The following TYRP1 variants were observed in gnomAD, a reference collection of about 807,000 sequenced individuals.
TYRP1 encodes 5,6-dihydroxyindole-2-carboxylic acid oxidase.
Under a neutral mutation model 42.8 loss-of-function variants are expected in TYRP1, and 49 were observed. That is an observed-to-expected ratio of 1.14 (90% confidence interval 0.91 to 1.45). The LOEUF (loss-of-function observed/expected upper bound fraction) is 1.45. TYRP1 is among the 40% of genes most tolerant of loss of function. TYRP1 has a pLI of 0.00. For missense variants in TYRP1, 848 were observed against 662.0 expected (o/e 1.28, Z -3.08); for synonymous variants, 279 against 235.4 (o/e 1.19, Z -1.69).
At position 12,709,267 on chromosome 9, in the gene TYRP1, C is replaced by G. The variant is rs944569843; in HGVS notation, c.*85C>G. 1 of 1,307,948 alleles carries G rather than the reference C, an allele frequency of 7.6e-7. No individual in the cohort carries two copies. The highest frequency in any genetic ancestry group is 1.5e-5 in the African/African-American group (1 of 68,462). 81.0% of individuals were successfully genotyped at this position (1,307,948 alleles called of 1,614,324 possible). A position where few individuals can be genotyped will look rare whatever the true frequency, so the allele number is the denominator to read the frequency against. On this transcript the variant is annotated 3_prime_UTR_variant, in exon 8 of 8. Transcript: ENST00000388918. ...TTGAGTTATTAACTGTATTTTCTTT[C>G]ACTTTATTACCTTCTTTCTAATACA...
chr9:12,703,955 A>C (rs1018515730), intron 5 of TYRP1, among the ~76,000 whole-genome samples: 1 of 151,388 alleles, frequency 6.6e-6, no homozygotes, highest in Non-Finnish European at 1.5e-5. Flanking sequence ...GATATTTATC[A>C]AAAGCTGTAT....
In TYRP1 at chr9:12,700,932, A is replaced by ACTT. The variant is rs1382336315; in HGVS notation, c.914-1338_914-1336dup. 2.0e-5 allele frequency among the ~76,000 whole-genome samples: 3 copies of ACTT among 152,028 alleles called. No homozygotes were observed. In the East Asian group the frequency reaches 5.8e-4, roughly 29 times the overall value. On this transcript the variant is annotated intron_variant, in intron 4 of 7. Coordinates refer to ENST00000388918, the MANE Select transcript of TYRP1 (RefSeq NM_000550.3). The stretch of plus-strand genomic sequence containing the variant: ...ATATTATTTAAATTTCATTATGCTA[A>ACTT]CTTAACAGGTTCTGATTATTACGTT...
At chr9:12,698,368 A>G in intron 3 of TYRP1, 83 bp from the exon 4 acceptor site, 1 of 1,335,716 alleles carries the variant, frequency 7.5e-7, no homozygotes, top group South Asian at 1.2e-5. Context: ...GCTAATAGAA[A>G]TAGACTGTCA....
intron 2 of TYRP1, 70 bp downstream of exon 2, chr9:12,694,451 A>G: frequency 6.4e-7 from 1 of 1,562,594 alleles, no homozygotes; most frequent in Non-Finnish European, 8.7e-7. Context: ...ATCTTAAATC[A>G]TTTGAGCTGG....
chr9:12,704,600 G>C lies in TYRP1; in HGVS notation c.1156G>C (p.Gly386Arg). ...LHNLAHLFLN[G>R]TGGQTHLSPN... ...CAATTTGGCTCATCTATTCCTGAATGGAACAGGGGGACAAACCCATTTGTC... is the reference window on the plus strand; with the variant it reads ...CAATTTGGCTCATCTATTCCTGAATCGAACAGGGGGACAAACCCATTTGTC... The change falls in exon 6 of 8, where the codon GGA (glycine) becomes CGA (arginine). Residue 386 changes from glycine to arginine, a missense_variant. Physicochemically the swap from Gly to Arg is moderately radical, Grantham distance 125 (BLOSUM62 -2). Transcript: ENST00000388918. The C allele has an allele frequency of 6.2e-7, 1 of 1,613,104 alleles. No individual in the cohort carries two copies. The highest frequency in any genetic ancestry group is 8.5e-7 in the Non-Finnish European group (1 of 1,179,474).
chr9:12,708,523 C>T (rs1586847935), intron 7 of TYRP1, among the ~76,000 whole-genome samples: 1 of 151,884 alleles, frequency 6.6e-6, no homozygotes, highest in East Asian at 1.9e-4. Flanking sequence ...TCTACTATAC[C>T]ATATTGCCTG....
In TYRP1 at chr9:12,708,119, T is replaced by G; in HGVS notation, c.1384T>G (p.Tyr462Asp). 1 of 1,612,768 alleles carries G rather than the reference T, an allele frequency of 6.2e-7. No individual in the cohort carries two copies. Among genetic ancestry groups the G allele is most frequent in the East Asian group, 2.2e-5 (1 of 44,818 alleles). Reference protein sequence around the residue: ...MFVTAPDNLGYTYEIQWPSRE... With the variant: ...MFVTAPDNLGDTYEIQWPSRE... ...TGTTACTGCTCCAGACAACCTGGGA[T>G]ACACTTATGAAATTCAATGGCCAAG... The change falls in exon 7 of 8, where the codon TAC becomes GAC. Residue 462 changes from tyrosine (Y) to aspartate (D), a missense_variant. By Grantham distance (160) the Tyr-to-Asp change is radical (BLOSUM62 -3). Coordinates refer to ENST00000388918, the MANE Select transcript of TYRP1 (RefSeq NM_000550.3).
chr9:12,707,351 C>CA (rs1339296153), intron 6 of TYRP1, among the ~76,000 whole-genome samples: 2 of 151,954 alleles, frequency 1.3e-5, no homozygotes, highest in Admixed American at 1.3e-4. Flanking sequence ...CGATGCTATA[C>CA]AAAATTCACC....
At chr9:12,698,117 A>T (rs1252811127) in intron 3 of TYRP1, among the ~76,000 whole-genome samples, 1 of 151,558 alleles carries the variant, frequency 6.6e-6, no homozygotes, top group African/African-American at 2.4e-5. Context: ...GGATGTTGTT[A>T]TTGATAACTT....
Position 12,708,959 on chromosome 9 carries a change from A to C in TYRP1, c.1409-18A>C. On this transcript the variant is annotated intron_variant, in intron 7 of 7. Transcript: ENST00000388918. The stretch of plus-strand genomic sequence containing the variant: ...TTTTAATATTTGTCTTTTTATTTTT[A>C]TCTTCCTTTCCAAATAGGTCGGGAG... 6.6e-7 allele frequency: 1 copy of C among 1,503,798 alleles called. No homozygotes were observed. The highest frequency in any genetic ancestry group is 1.1e-5 in the South Asian group (1 of 88,896). 93.2% of individuals were successfully genotyped at this position (1,503,798 alleles called of 1,614,324 possible). A position where few individuals can be genotyped will look rare whatever the true frequency, so the allele number is the denominator to read the frequency against.
chr9:12,703,990 C>A (rs1025591074), intron 5 of TYRP1, among the ~76,000 whole-genome samples: 1 of 151,510 alleles, frequency 6.6e-6, no homozygotes, highest in African/African-American at 2.4e-5. Flanking sequence ...TAGGTTTTCC[C>A]GATGTTTAAA....
rs188236569 is a variant in TYRP1 at position 12,709,133 on chromosome 9, A to C, written c.1565A>C (p.Tyr522Ser). ...QPLLTDQYQC[Y>S]AEEYEKLQNP... The stretch of plus-strand genomic sequence containing the variant: ...CTCCTCACTGATCAGTATCAATGCT[A>C]TGCTGAAGAATATGAAAAACTCCAG... The change falls in exon 8 of 8, where the codon TAT (tyrosine) becomes TCT (serine). Residue 522 changes from tyrosine to serine, a missense_variant. By Grantham distance (144) the Tyr-to-Ser change is moderately radical. Transcript: ENST00000388918. The C allele has an allele frequency of 1.9e-6, 3 of 1,612,676 alleles. No homozygotes were observed. In the South Asian group the frequency reaches 3.3e-5, roughly 18 times the overall value.
intron 7 of TYRP1, among the ~76,000 whole-genome samples, 191 bp from the exon 8 acceptor site, chr9:12,708,786 A>T (rs1004761990): frequency 2.0e-5 from 3 of 152,014 alleles, no homozygotes; most frequent in Admixed American, 2.0e-4. Flanking sequence ...TGAAATGGAA[A>T]TAACAATGAC....
Position 12,709,243 on chromosome 9 carries a change from T to G in TYRP1, c.*61T>G. 5 of 1,468,020 alleles carry G rather than the reference T, an allele frequency of 3.4e-6. No homozygotes were observed. Among genetic ancestry groups the G allele is most frequent in the Non-Finnish European group, 4.8e-6 (5 of 1,049,798 alleles). 90.9% of individuals were successfully genotyped at this position (1,468,020 alleles called of 1,614,324 possible). A position where few individuals can be genotyped will look rare whatever the true frequency, so the allele number is the denominator to read the frequency against. On this transcript the variant is annotated 3_prime_UTR_variant, in exon 8 of 8. Transcript: ENST00000388918. ...AACCACCTGGTTGAATATAATAGATTGAGTTATTAACTGTATTTTCTTTCA... is the reference window on the plus strand; with the variant it reads ...AACCACCTGGTTGAATATAATAGATGGAGTTATTAACTGTATTTTCTTTCA...
intron 3 of TYRP1, among the ~76,000 whole-genome samples, chr9:12,696,945 G>GA (rs987764510): frequency 2.0e-5 from 3 of 151,480 alleles, no homozygotes; most frequent in Non-Finnish European, 3.0e-5. Flanking sequence ...ATTATTCCGA[G>GA]AAAAAATAAA....
chr9:12,708,351 C>G (rs41298184), intron 7 of TYRP1, among the ~76,000 whole-genome samples: 1 of 151,874 alleles, frequency 6.6e-6, no homozygotes, highest in East Asian at 1.9e-4. Context: ...GTACAGCACC[C>G]TATCTCATTT....
At chr9:12,698,890 T>C (rs1818121593) in intron 4 of TYRP1, among the ~76,000 whole-genome samples, 2 of 152,122 alleles carry the variant, frequency 1.3e-5, no homozygotes, top group South Asian at 4.1e-4. Context: ...TCTTGAGTAG[T>C]TTGGTCAATA....
At chr9:12,695,451 T>A in intron 2 of TYRP1, 64 bp from the exon 3 acceptor site, 5 of 1,450,034 alleles carry the variant, frequency 3.4e-6, no homozygotes, top group Non-Finnish European at 4.8e-6. Flanking sequence ...AAGATGATTA[T>A]GCTCTTTCTC....
chr9:12,695,247 T>A (rs1407219808), intron 2 of TYRP1, among the ~76,000 whole-genome samples: 1 of 151,694 alleles, frequency 6.6e-6, no homozygotes, highest in Non-Finnish European at 1.5e-5. Context: ...CATGACAAGG[T>A]CACAGAAACA....
Sources: allele counts gnomAD v4.1 joint callset (sites outside exome capture counted in the v4.1 genomes callset), GRCh38; gene constraint gnomAD v4.1.1; transcripts MANE v1.5; gene names NCBI Gene and HGNC (gene_info 2026-07-23, HGNC 2026-07-21).